RGPD2: variants seen among roughly 807,000 people sequenced by gnomAD.
RGPD2 encodes RANBP2-like and GRIP domain-containing protein 2.
A neutral mutation model predicts 36.0 loss-of-function variants in RGPD2; 2 were observed. The ratio of observed to expected loss-of-function variants is 0.06; its 90% confidence interval spans 0.02 to 0.17. The LOEUF is 0.17. RGPD2 is among the 10% of genes least tolerant of loss of function. RGPD2 has a pLI of 1.00. For synonymous variants in RGPD2, 19 were observed against 163.8 expected (o/e 0.12, Z 6.75); for missense variants, 40 against 464.3 (o/e 0.09, Z 8.40).
At chr2:87,964,932 T>C in the RGPD2 span, among the ~76,000 whole-genome samples, 2 of 151,632 alleles carry the variant, frequency 1.3e-5, no homozygotes, top group African/African-American at 4.8e-5. Flanking sequence ...TCAACCTAAA[T>C]AGCATATGTA....
At chr2:87,809,291 C>T (rs1276723151) in intron 6 of RGPD2, among the ~76,000 whole-genome samples, 5 of 150,528 alleles carry the variant, frequency 3.3e-5, no homozygotes, top group South Asian at 2.1e-4. Context: ...GGCAACAGAG[C>T]GAGACTCCGT....
chr2:87,909,107 G>A, the RGPD2 span, among the ~76,000 whole-genome samples: 7 of 150,860 alleles, frequency 4.6e-5, no homozygotes, highest in East Asian at 2.0e-4. Context: ...GGTATGATTT[G>A]GAGTTCTCCC....
At chr2:87,960,016 T>C in the RGPD2 span, among the ~76,000 whole-genome samples, 2 of 52,894 alleles carry the variant, frequency 3.8e-5, no homozygotes, top group African/African-American at 1.0e-4. Flanking sequence ...TTGTACTTTC[T>C]GAAGCTTTTA....
the RGPD2 span, among the ~76,000 whole-genome samples, chr2:87,906,876 CA>C: frequency 1.8e-4 from 27 of 146,850 alleles, no homozygotes; most frequent in Admixed American, 2.1e-4. Context: ...GCCATGATTG[CA>C]CCACTGAACT....
At chr2:87,978,853 G>C in the RGPD2 span, among the ~76,000 whole-genome samples, 26 of 145,984 alleles carry the variant, frequency 1.8e-4, no homozygotes, top group East Asian at 4.2e-3. Flanking sequence ...ATGAGTTCGA[G>C]ATTACAGCCA....
upstream of RGPD2, among the ~76,000 whole-genome samples, chr2:87,829,447 T>C (rs1307928695): frequency 6.6e-6 from 1 of 151,280 alleles, no homozygotes; most frequent in African/African-American, 2.4e-5. Context: ...CAAGTTGTAT[T>C]AGTTTGTTCT....
the RGPD2 span, among the ~76,000 whole-genome samples, chr2:87,973,510 C>T: frequency 1.5e-5 from 2 of 136,076 alleles, 1 homozygote; most frequent in Non-Finnish European, 3.3e-5. Flanking sequence ...GGGTTACTTG[C>T]CCACCAGAAA....
chr2:87,964,448 T>C, the RGPD2 span, among the ~76,000 whole-genome samples: 1 of 152,130 alleles, frequency 6.6e-6, no homozygotes, highest in Non-Finnish European at 1.5e-5. Context: ...CTCATTTTAT[T>C]GCACTACATT....
chr2:87,772,573 T>A (rs1447995139), intron 21 of RGPD2, among the ~76,000 whole-genome samples: 1 of 41,366 alleles, frequency 2.4e-5, no homozygotes, highest in African/African-American at 8.9e-5. Flanking sequence ...CCATTTGACA[T>A]GAAAACCGGA....
chr2:87,855,319 A>T, the RGPD2 span, among the ~76,000 whole-genome samples: 1 of 151,544 alleles, frequency 6.6e-6, no homozygotes, highest in Non-Finnish European at 1.5e-5. Flanking sequence ...TGTCTTCCAA[A>T]GTGGCTATGC....
At chr2:87,915,674 C>A in the RGPD2 span, among the ~76,000 whole-genome samples, 2 of 144,758 alleles carry the variant, frequency 1.4e-5, no homozygotes, top group East Asian at 2.0e-4. Context: ...ATATATATAT[C>A]TCCCTTTTCA....
At chr2:87,945,727 C>T in the RGPD2 span, among the ~76,000 whole-genome samples, 1 of 152,246 alleles carries the variant, frequency 6.6e-6, no homozygotes, top group Non-Finnish European at 1.5e-5. Flanking sequence ...CCCACCTCAG[C>T]CTACTGAGCA....
chr2:87,951,684 A>G, the RGPD2 span, among the ~76,000 whole-genome samples: 1 of 150,198 alleles, frequency 6.7e-6, no homozygotes, highest in Non-Finnish European at 1.5e-5. Flanking sequence ...CTCCGCCTCC[A>G]AGCGAGTCTC....
At chr2:87,922,315 A>AC in the RGPD2 span, among the ~76,000 whole-genome samples, 5 of 149,046 alleles carry the variant, frequency 3.4e-5, no homozygotes. Context: ...AAAAAAAAAA[A>AC]CCAAAAAAGT....
chr2:87,867,011 T>C, the RGPD2 span, among the ~76,000 whole-genome samples: 3 of 152,076 alleles, frequency 2.0e-5, no homozygotes, highest in Non-Finnish European at 4.4e-5. Context: ...TGTGAGAGGT[T>C]TCTTTTCCTA....
the RGPD2 span, among the ~76,000 whole-genome samples, chr2:87,841,298 C>T: frequency 5.8e-3 from 876 of 152,102 alleles, 7 homozygotes; most frequent in Non-Finnish European, 6.2e-3. Context: ...TGAAAGCTCC[C>T]TTGAGGCCGA....
intron 21 of RGPD2, among the ~76,000 whole-genome samples, chr2:87,772,761 G>A (rs1279770472): frequency 2.1e-5 from 3 of 144,876 alleles, no homozygotes; most frequent in Admixed American, 7.0e-5. Flanking sequence ...ATGAGATAAC[G>A]TCAAGACATT....
At chr2:87,919,913 A>G in the RGPD2 span, among the ~76,000 whole-genome samples, 1 of 151,972 alleles carries the variant, frequency 6.6e-6, no homozygotes, top group Non-Finnish European at 1.5e-5. Context: ...TCTAACTTCT[A>G]TATTATCGTG....
the RGPD2 span, among the ~76,000 whole-genome samples, chr2:87,937,806 A>T: frequency 6.6e-6 from 1 of 151,998 alleles, no homozygotes; most frequent in Non-Finnish European, 1.5e-5. Context: ...AAACTAGGGG[A>T]CTGTGATGTC....
Sources: allele counts gnomAD v4.1 joint callset (sites outside exome capture counted in the v4.1 genomes callset), GRCh38; gene constraint gnomAD v4.1.1; transcripts MANE v1.5; gene names NCBI Gene and HGNC (gene_info 2026-07-23, HGNC 2026-07-21).